KCTD20: variants seen among roughly 807,000 people sequenced by gnomAD.
KCTD20 encodes BTB/POZ domain-containing protein KCTD20.
In KCTD20, 30 loss-of-function variants were observed where a neutral mutation model predicts 39.6. The observed-to-expected ratio is 0.76, with a 90% CI of 0.57 to 1.03. The LOEUF is 1.03. KCTD20 is among the 50% of genes least tolerant of loss of function. KCTD20 has a pLI of 0.00. For synonymous variants in KCTD20, 162 were observed against 180.6 expected (o/e 0.90, Z 0.83); for missense variants, 422 against 522.0 (o/e 0.81, Z 1.87).
At chr6:36,448,015 G>GTGTGTATA (rs559687288) in intron 1 of KCTD20, among the ~76,000 whole-genome samples, 12 of 128,940 alleles carry the variant, frequency 9.3e-5, no homozygotes, top group African/African-American at 4.1e-4. Context: ...ATGTGTGTGT[G>GTGTGTATA]TATATATATA....
chr6:36,471,880 G>A (rs1205514083), intron 2 of KCTD20, among the ~76,000 whole-genome samples: 4 of 147,186 alleles, frequency 2.7e-5, no homozygotes, highest in African/African-American at 5.0e-5. Flanking sequence ...ACGGAGCCTC[G>A]CTCTGTTGCC....
chr6:36,463,051 A>G (rs1775646374), intron 1 of KCTD20, among the ~76,000 whole-genome samples: 1 of 152,212 alleles, frequency 6.6e-6, no homozygotes, highest in Admixed American at 6.5e-5. Context: ...GATGATGTGC[A>G]TGGTCTTCCC....
chr6:36,482,989 T>G (rs1776300644), intron 6 of KCTD20, among the ~76,000 whole-genome samples: 1 of 148,502 alleles, frequency 6.7e-6, no homozygotes, highest in South Asian at 2.1e-4. Context: ...TGGTGGCCCA[T>G]GCCTGTAATC....
rs747978646 is a variant in KCTD20, at chr6:36,487,067, T to G, written c.1152T>G (p.Asp384Glu). 6.2e-6 allele frequency: 10 copies of G among 1,614,222 alleles called. No individual in the cohort carries two copies. The South Asian group carries it at 9.9e-5, about 16-fold the overall frequency. Residue 384 changes from aspartate to glutamate, a missense_variant, in exon 8 of 8, where the codon GAT becomes GAG. Asp to Glu is a conservative substitution (Grantham distance 45). Coordinates refer to ENST00000373731, the MANE Select transcript of KCTD20 (RefSeq NM_173562.5). ...SLTNLVAAGD[D>E]VLEDQEILMH... ...CGAATCTGGTAGCTGCTGGAGATGATGTCTTGGAGGACCAGGAGATATTAA... is the reference window on the plus strand; with the variant it reads ...CGAATCTGGTAGCTGCTGGAGATGAGGTCTTGGAGGACCAGGAGATATTAA...
intron 1 of KCTD20, among the ~76,000 whole-genome samples, chr6:36,459,797 CAT>C (rs1334066559): frequency 1.3e-5 from 2 of 152,208 alleles, no homozygotes; most frequent in African/African-American, 4.8e-5. Context: ...GAATTTTCTA[CAT>C]GTTAGCTCTG....
Position 36,490,653 on chromosome 6 carries a change from G to C in KCTD20, c.*3478G>C, listed in dbSNP as rs187157917. On this transcript the variant is annotated 3_prime_UTR_variant, in exon 8 of 8. Transcript: ENST00000373731. Reference sequence around the variant, plus strand: ...ACTTGAGGTCAGGAGTTTCAGACTGGCCTGGGCAACGTAAAAAATTAAAAA... The same window carrying C: ...ACTTGAGGTCAGGAGTTTCAGACTGCCCTGGGCAACGTAAAAAATTAAAAA... The C allele has an allele frequency of 6.6e-6, 1 of 152,382 alleles. No homozygotes were observed. Among genetic ancestry groups the C allele is most frequent in the African/African-American group, 2.4e-5 (1 of 41,546 alleles). 9.4% of individuals were successfully genotyped at this position (152,382 alleles called of 1,614,324 possible).
intron 1 of KCTD20, among the ~76,000 whole-genome samples, chr6:36,467,625 C>T (rs977367322): frequency 2.6e-5 from 4 of 151,816 alleles, no homozygotes; most frequent in South Asian, 2.1e-4. Context: ...TGTGAGCCAC[C>T]GTGCCTGGCT....
At chr6:36,467,350 TTTTTTTG>T in intron 1 of KCTD20, among the ~76,000 whole-genome samples, 1 of 52,734 alleles carries the variant, frequency 1.9e-5, no homozygotes, top group Non-Finnish European at 3.4e-5. Context: ...TTTTTTTTTT[TTTTTTTG>T]AGACGGAGTT....
intron 1 of KCTD20, among the ~76,000 whole-genome samples, chr6:36,460,023 C>T (rs543747831): frequency 6.6e-6 from 1 of 152,142 alleles, no homozygotes; most frequent in Non-Finnish European, 1.5e-5. Context: ...ACAGCCTATG[C>T]AGTTGTTCCT....
intron 3 of KCTD20, among the ~76,000 whole-genome samples, chr6:36,476,038 C>T (rs1561955384): frequency 6.6e-6 from 1 of 152,180 alleles, no homozygotes. Context: ...TTAACCGTCT[C>T]TGGCCCCCAG....
rs184782092 is a variant in KCTD20, at chr6:36,476,726, C to A, written c.434+1664C>A. On this transcript the variant is annotated intron_variant, in intron 3 of 7. Coordinates refer to ENST00000373731, the MANE Select transcript of KCTD20 (RefSeq NM_173562.5). Reference sequence around the variant, plus strand: ...TACAGGCATGAGCCACTGTGCCTGGCCACAGCGAACCACTTTTTAATTAGA... The same window carrying A: ...TACAGGCATGAGCCACTGTGCCTGGACACAGCGAACCACTTTTTAATTAGA... Among the ~76,000 whole-genome samples the A allele has an allele frequency of 1.2e-3, 178 of 152,268 alleles. 3 individuals carry two copies. The East Asian group carries it at 0.03, about 26-fold the overall frequency.
In KCTD20 at chr6:36,470,096, G is replaced by C; in HGVS notation, c.-2G>C. 1 of 1,611,812 alleles carries C rather than the reference G, an allele frequency of 6.2e-7. No homozygotes were observed. Among genetic ancestry groups the C allele is most frequent in the East Asian group, 2.2e-5 (1 of 44,820 alleles). On this transcript the variant is annotated 5_prime_UTR_variant, in exon 2 of 8. Coordinates refer to ENST00000373731, the MANE Select transcript of KCTD20 (RefSeq NM_173562.5). Reference sequence around the variant, plus strand: ...GGACAGTTCAGGACTCAGAATCTAAGGATGAATGTTCACCGTGGCAGTGAC... The same window carrying C: ...GGACAGTTCAGGACTCAGAATCTAACGATGAATGTTCACCGTGGCAGTGAC...
chr6:36,471,168 T>C (rs1044035520), intron 2 of KCTD20, among the ~76,000 whole-genome samples: 1 of 130,766 alleles, frequency 7.6e-6, no homozygotes, highest in Non-Finnish European at 1.7e-5. Flanking sequence ...AAAAAAAAAA[T>C]TCTCCCTACC....
intron 7 of KCTD20, among the ~76,000 whole-genome samples, chr6:36,486,520 T>C (rs567833723): frequency 5.3e-5 from 8 of 152,256 alleles, no homozygotes; most frequent in South Asian, 2.1e-4. Flanking sequence ...CTCTAAGCAA[T>C]AGAATTAAGA....
At chr6:36,447,972 C>G (rs1775102652) in intron 1 of KCTD20, among the ~76,000 whole-genome samples, 1 of 144,906 alleles carries the variant, frequency 6.9e-6, no homozygotes, top group South Asian at 2.1e-4. Context: ...GCCTGGGTGA[C>G]AGAGCACGAT....
intron 2 of KCTD20, among the ~76,000 whole-genome samples, chr6:36,472,465 A>G (rs1775940986): frequency 6.6e-6 from 1 of 152,160 alleles, no homozygotes; most frequent in South Asian, 2.1e-4. Flanking sequence ...GGTCATGGGC[A>G]TTAATCATGT....
At chr6:36,455,645 T>C (rs1289160397) in intron 1 of KCTD20, among the ~76,000 whole-genome samples, 1 of 151,938 alleles carries the variant, frequency 6.6e-6, no homozygotes, top group Non-Finnish European at 1.5e-5. Context: ...ATTAGGCTAT[T>C]TATTGCAAAG....
intron 7 of KCTD20, 97 bp downstream of exon 7, chr6:36,484,921 G>C (rs1239129678): frequency 3.1e-6 from 2 of 638,772 alleles, no homozygotes; most frequent in Non-Finnish European, 5.6e-6. Flanking sequence ...TAGAAAATAG[G>C]CATACATGAA....
chr6:36,477,666 T>C (rs1776107405), intron 3 of KCTD20, among the ~76,000 whole-genome samples: 1 of 150,526 alleles, frequency 6.6e-6, no homozygotes, highest in Non-Finnish European at 1.5e-5. Flanking sequence ...TTTCTTTTTT[T>C]AGTAGAGACA....
Sources: gnomAD v4.1 joint callset for allele counts (sites outside exome capture counted in the v4.1 genomes callset) on GRCh38, gnomAD v4.1.1 for gene constraint, MANE v1.5 for transcripts, NCBI Gene and HGNC (gene_info 2026-07-23, HGNC 2026-07-21) for gene names.